TSGA10: variants seen among roughly 807,000 people sequenced by gnomAD.
The protein encoded by TSGA10 is testis specific 10, also known as testis-specific gene 10 protein.
TSGA10 carries 43 observed loss-of-function variants against 96.6 expected under a neutral mutation model. The ratio of observed to expected loss-of-function variants is 0.44; its 90% CI spans 0.35 to 0.57. TSGA10 has a LOEUF of 0.57. Among genes scored for constraint, TSGA10 ranks in the 20% least tolerant of loss-of-function variants. The pLI is 0.01. For synonymous variants in TSGA10, 229 were observed against 269.9 expected (o/e 0.85, Z 1.48); for missense variants, 703 against 834.4 (o/e 0.84, Z 1.94).
At chr2:99,078,621 T>G in intron 12 of TSGA10, 38 bp downstream of exon 12, 1 of 1,569,372 alleles carries the variant, frequency 6.4e-7, no homozygotes, top group Non-Finnish European at 8.7e-7. Flanking sequence ...AACATTTCAT[T>G]TAAACGTTTC....
Position 99,071,569 on chromosome 2 carries a change from T to C in TSGA10, c.1107+137A>G, listed in dbSNP as rs185297580. On this transcript the variant is annotated intron_variant, in intron 14 of 20. Transcript: ENST00000393483. ...AATTCCATTTAAAAATTATGTGGCC[T>C]ATTTTGTTATTTTTTAAAAAAAAGA... is the stretch of plus-strand genomic sequence containing the variant. The C allele has an allele frequency of 5.6e-5, 39 of 699,000 alleles. No homozygotes were observed. The East Asian group carries it at 7.4e-4, about 13-fold the overall frequency. 43.3% of individuals were successfully genotyped at this position (699,000 alleles called of 1,614,324 possible).
At chr2:99,017,105 T>C (rs1348331154) in intron 20 of TSGA10, among the ~76,000 whole-genome samples, 2 of 152,164 alleles carry the variant, frequency 1.3e-5, no homozygotes, top group Non-Finnish European at 2.9e-5. Flanking sequence ...GAGATTCCAT[T>C]TAGAACTAAA....
chr2:99,023,950 T>C (rs1323186095), intron 17 of TSGA10, among the ~76,000 whole-genome samples: 1 of 152,244 alleles, frequency 6.6e-6, no homozygotes, highest in Non-Finnish European at 1.5e-5. Context: ...AAGCATTGCA[T>C]TAAATTTGTG....
chr2:99,010,361 C>A (rs772456436), intron 20 of TSGA10, among the ~76,000 whole-genome samples: 31 of 152,122 alleles, frequency 2.0e-4, no homozygotes, highest in African/African-American at 4.1e-4. Context: ...ACATATCCTT[C>A]GAAAGAAGTG....
At chr2:99,067,592 C>T (rs2085407395) in intron 15 of TSGA10, among the ~76,000 whole-genome samples, 1 of 152,124 alleles carries the variant, frequency 6.6e-6, no homozygotes, top group Non-Finnish European at 1.5e-5. Flanking sequence ...GTGGCTCATG[C>T]CTGTAATCCC....
chr2:99,093,025 C>T lies in TSGA10; in HGVS notation c.611+10942G>A, dbSNP rs983440259. 2.6e-5 allele frequency among the ~76,000 whole-genome samples: 4 copies of T among 152,106 alleles called. No homozygotes were observed. In the South Asian group the frequency reaches 8.3e-4, roughly 32 times the overall value. On this transcript the variant is annotated intron_variant, in intron 10 of 20. Coordinates refer to ENST00000393483, the MANE Select transcript of TSGA10 (RefSeq NM_025244.4). ...TTAACAAAATACTAGCTAACCAAAT[C>T]CAACAGCATATCAAAAAGATAATTC...
At chr2:99,138,905 C>T (rs1471913789) in intron 1 of TSGA10, among the ~76,000 whole-genome samples, 1 of 152,130 alleles carries the variant, frequency 6.6e-6, no homozygotes, top group African/African-American at 2.4e-5. Context: ...AGAAAGACAG[C>T]TGAGGTAATA....
intron 17 of TSGA10, among the ~76,000 whole-genome samples, chr2:99,032,797 G>A (rs1254130351): frequency 6.6e-6 from 1 of 152,178 alleles, no homozygotes. Flanking sequence ...CCAATAACTA[G>A]ATGAATTGAT....
chr2:99,112,874 G>T (rs773490871), intron 4 of TSGA10, among the ~76,000 whole-genome samples: 1 of 143,748 alleles, frequency 7.0e-6, no homozygotes, highest in Non-Finnish European at 1.5e-5. Flanking sequence ...CCCTTTGTTT[G>T]TGGGGGACAA....
chr2:99,138,420 GTC>G (rs201458359), intron 1 of TSGA10, among the ~76,000 whole-genome samples: 1,628 of 152,262 alleles, frequency 0.011, 9 homozygotes, highest in Middle Eastern at 0.027. Context: ...CTTTTGTCTT[GTC>G]TCTGTTTTAT....
rs72957153 is a variant in TSGA10, at chr2:99,055,482, A to T, written c.1404+9457T>A. ...AGATCTTAAATGTTCTCACCACAAA[A>T]AAAAAAATGGCAAGCATATGAGGTG... On this transcript the variant is annotated intron_variant, in intron 16 of 20. Coordinates refer to ENST00000393483, the MANE Select transcript of TSGA10 (RefSeq NM_025244.4). Among the ~76,000 whole-genome samples the T allele has an allele frequency of 4.9e-3, 739 of 152,286 alleles. 10 individuals carry two copies. Among genetic ancestry groups the T allele is most frequent in the African/African-American group, 0.017 (700 of 41,566 alleles).
intron 17 of TSGA10, among the ~76,000 whole-genome samples, chr2:99,032,157 G>T (rs1408479751): frequency 1.3e-5 from 2 of 152,078 alleles, no homozygotes; most frequent in Admixed American, 6.6e-5. Flanking sequence ...TCTGCATGTG[G>T]CCTGCCCATT....
intron 20 of TSGA10, among the ~76,000 whole-genome samples, chr2:99,012,142 A>G (rs1428118654): frequency 6.6e-6 from 1 of 152,144 alleles, no homozygotes; most frequent in Non-Finnish European, 1.5e-5. Context: ...CCACTACTAA[A>G]CCAGCACTAC....
At chr2:99,073,261 T>C (rs1488332233) in intron 12 of TSGA10, among the ~76,000 whole-genome samples, 188 bp from the exon 13 acceptor site, 4 of 152,152 alleles carry the variant, frequency 2.6e-5, no homozygotes, top group Non-Finnish European at 4.4e-5. Context: ...TGGGTAAAAA[T>C]AGATTATGTT....
Position 99,104,058 on chromosome 2 carries a change from T to C in TSGA10, c.520A>G (p.Thr174Ala). The change falls in exon 10 of 21, where the codon ACT (threonine) becomes GCT (alanine). Residue 174 changes from threonine (T) to alanine (A), a missense_variant. Around this residue, in one of 3 missense-constraint regions of TSGA10, gnomAD observed 585 missense variants for 656.8 expected, o/e 0.89. Coordinates refer to ENST00000393483, the MANE Select transcript of TSGA10 (RefSeq NM_025244.4). The stretch of plus-strand genomic sequence containing the variant: ...AGTGATTTCATTTCTTTTTCCACAG[T>C]GCTTATGGTTTCCTTCATCAAAGTC... Reference protein sequence around the residue: ...NMTLMKETISTVEKEMKSLAR... With the variant: ...NMTLMKETISAVEKEMKSLAR... 6 of 1,614,076 alleles carry C rather than the reference T, an allele frequency of 3.7e-6. No individual in the cohort carries two copies. The highest frequency in any genetic ancestry group is 2.5e-6 in the Non-Finnish European group (3 of 1,180,000).
chr2:99,102,776 T>G, intron 10 of TSGA10: 1 of 1,541,682 alleles, frequency 6.5e-7, no homozygotes, highest in Non-Finnish European at 9.0e-7. Context: ...CTTACTGGTT[T>G]GGGAGTTGTG....
chr2:99,040,081 T>C (rs910764876), intron 16 of TSGA10, among the ~76,000 whole-genome samples: 2 of 152,080 alleles, frequency 1.3e-5, no homozygotes, highest in African/African-American at 2.4e-5. Context: ...TCCTTTATCA[T>C]TAAAACCCTC....
intron 1 of TSGA10, among the ~76,000 whole-genome samples, chr2:99,145,873 T>TA (rs1369617828): frequency 6.6e-6 from 1 of 152,026 alleles, no homozygotes; most frequent in East Asian, 1.9e-4. Context: ...CATGGTGGCT[T>TA]ACGCCAGTAA....
intron 10 of TSGA10, among the ~76,000 whole-genome samples, chr2:99,086,902 TAA>T (rs879516439): frequency 1.4e-5 from 2 of 142,962 alleles, no homozygotes; most frequent in Non-Finnish European, 3.1e-5. Context: ...ACCCTGTGTC[TAA>T]AAAAAAAAAA....
Sources: allele counts gnomAD v4.1 joint callset (sites outside exome capture counted in the v4.1 genomes callset), GRCh38; gene constraint gnomAD v4.1.1; regional missense constraint gnomAD v4.1.1; transcripts MANE v1.5; gene names NCBI Gene and HGNC (gene_info 2026-07-23, HGNC 2026-07-21).